STK40: variants seen among roughly 807,000 people sequenced by gnomAD.
STK40 encodes serine/threonine-protein kinase 40.
Under a neutral mutation model 47.9 loss-of-function variants are expected in STK40, and 13 were observed. The observed-to-expected ratio is 0.27, with a 90% CI of 0.18 to 0.43. The LOEUF (loss-of-function observed/expected upper bound fraction) is 0.43, where lower values mean the gene tolerates loss of function less well. STK40 is among the 20% of genes least tolerant of loss of function. The probability of loss-of-function intolerance (pLI) is 1.00; values close to 1 mark genes in which losing one functional copy is unlikely to be tolerated. For synonymous variants in STK40, 225 were observed against 243.2 expected, an observed-to-expected ratio of 0.93 and a Z score of 0.69; for missense variants, 460 against 595.1, an observed-to-expected ratio of 0.77 and a Z score of 2.36.
intron 10 of STK40, chr1:36,342,816 G>A (rs1225247615): frequency 4.1e-6 from 1 of 245,950 alleles, no homozygotes; most frequent in Middle Eastern, 1.4e-3. Context: ...AGGTGGGCCA[G>A]GGAGGGAAGG....
chr1:36,376,232 G>C (rs1477500172), intron 1 of STK40, among the ~76,000 whole-genome samples: 1 of 152,134 alleles, frequency 6.6e-6, no homozygotes, highest in Non-Finnish European at 1.5e-5. Context: ...CAGATCACGA[G>C]GGCCAGCAGC....
chr1:36,357,347 G>T (rs1646813738), intron 4 of STK40, among the ~76,000 whole-genome samples: 2 of 152,332 alleles, frequency 1.3e-5, no homozygotes, highest in Admixed American at 1.3e-4. Context: ...GCAAGAGCTG[G>T]TCCTGGCCAG....
chr1:36,345,978 TA>T (rs1318973290), intron 7 of STK40, among the ~76,000 whole-genome samples: 4 of 13,504 alleles, frequency 3.0e-4, no homozygotes, highest in Admixed American at 1.4e-3. Flanking sequence ...CATATATATA[TA>T]TATATATATA....
intron 1 of STK40, among the ~76,000 whole-genome samples, chr1:36,383,091 A>G (rs1207990750): frequency 1.3e-5 from 2 of 152,120 alleles, no homozygotes; most frequent in African/African-American, 4.8e-5. Context: ...TGGGATTACA[A>G]GCATGCACCA....
intron 7 of STK40, among the ~76,000 whole-genome samples, chr1:36,346,509 C>A (rs905955375): frequency 6.6e-6 from 1 of 152,184 alleles, no homozygotes; most frequent in Non-Finnish European, 1.5e-5. Context: ...AAAGGGCAGA[C>A]CTGGGTCGGA....
chr1:36,352,467 A>T (rs555097681), intron 6 of STK40, among the ~76,000 whole-genome samples: 55 of 152,228 alleles, frequency 3.6e-4, no homozygotes, highest in African/African-American at 1.2e-3. Flanking sequence ...TTCAATCAGT[A>T]AGTACCCAGA....
At chr1:36,352,447 A>G (rs1646767066) in intron 6 of STK40, among the ~76,000 whole-genome samples, 1 of 152,120 alleles carries the variant, frequency 6.6e-6, no homozygotes, top group African/African-American at 2.4e-5. Flanking sequence ...TTGGTACCTC[A>G]ATATATGAAT....
intron 6 of STK40, among the ~76,000 whole-genome samples, chr1:36,350,154 C>T (rs1029322903): frequency 3.9e-5 from 6 of 152,224 alleles, no homozygotes; most frequent in Non-Finnish European, 5.9e-5. Flanking sequence ...TATACAGGTC[C>T]GCCCTGTCAG....
intron 4 of STK40, among the ~76,000 whole-genome samples, chr1:36,356,528 C>T (rs1570446228): frequency 6.7e-6 from 1 of 148,984 alleles, no homozygotes; most frequent in Admixed American, 6.8e-5. Flanking sequence ...CAGGTTCATG[C>T]CATTCTCCTG....
chr1:36,369,236 G>A (rs2124745801), intron 1 of STK40, among the ~76,000 whole-genome samples: 1 of 152,288 alleles, frequency 6.6e-6, no homozygotes, highest in South Asian at 2.1e-4. Context: ...CAGCTTCACA[G>A]GGTTTTTCTG....
At chr1:36,379,222 C>T (rs1283982382) in intron 1 of STK40, among the ~76,000 whole-genome samples, 3 of 152,118 alleles carry the variant, frequency 2.0e-5, no homozygotes, top group Non-Finnish European at 4.4e-5. Context: ...GAGGGGACAG[C>T]TTTATTCTGC....
At chr1:36,380,472 C>T (rs1647030127) in intron 1 of STK40, among the ~76,000 whole-genome samples, 1 of 152,148 alleles carries the variant, frequency 6.6e-6, no homozygotes, top group South Asian at 2.1e-4. Flanking sequence ...TGGCCTCTGG[C>T]AGATATCAGT....
At chr1:36,385,262 C>T (rs1370028776) in intron 1 of STK40, among the ~76,000 whole-genome samples, 1 of 152,238 alleles carries the variant, frequency 6.6e-6, no homozygotes, top group African/African-American at 2.4e-5. Context: ...GAAAATTCCC[C>T]AGCAGCGGTA....
intron 6 of STK40, among the ~76,000 whole-genome samples, chr1:36,351,525 G>A (rs1646758411): frequency 1.3e-5 from 2 of 152,246 alleles, no homozygotes; most frequent in South Asian, 2.1e-4. Flanking sequence ...ACTCTGGAGC[G>A]CCCATGACTC....
chr1:36,368,998 G>T (rs1197893106), intron 1 of STK40, among the ~76,000 whole-genome samples: 1 of 152,172 alleles, frequency 6.6e-6, no homozygotes, highest in Admixed American at 6.5e-5. Flanking sequence ...TAGCTCCCAA[G>T]ACCTGATTCA....
chr1:36,343,951 A>G lies in STK40; in HGVS notation c.913T>C (p.Cys305Arg), dbSNP rs1646676962. The change falls in exon 9 of 11, where the codon TGT becomes CGT. Residue 305 changes from cysteine to arginine, a missense_variant. By Grantham distance (180) the Cys-to-Arg change is radical. This residue lies in a region of STK40 where 181 missense variants were observed against 218.9 expected (regional missense o/e 0.83). Coordinates refer to ENST00000373132, the MANE Select transcript of STK40 (RefSeq NM_001282547.2). The part of the protein sequence containing the change: ...EDGRVSENTV[C>R]LIRKLLVLDP... ...AGGACCAGCAGCTTCCGGATGAGAC[A>G]CACGGTGTTCTCAGAAACCCGTCCA... is the stretch of plus-strand genomic sequence containing the variant. The G allele has an allele frequency of 6.2e-7, 1 of 1,607,638 alleles. No individual in the cohort carries two copies. Among genetic ancestry groups the G allele is most frequent in the Non-Finnish European group, 8.5e-7 (1 of 1,175,488 alleles).
At chr1:36,362,174 A>C (rs576173288) in intron 1 of STK40, among the ~76,000 whole-genome samples, 2 of 152,300 alleles carry the variant, frequency 1.3e-5, no homozygotes, top group South Asian at 4.2e-4. Context: ...GCTAAAAGAC[A>C]CCTCTGGACA....
At chr1:36,363,850 A>G (rs1196649267) in intron 1 of STK40, among the ~76,000 whole-genome samples, 1 of 145,172 alleles carries the variant, frequency 6.9e-6, no homozygotes, top group East Asian at 2.1e-4. Flanking sequence ...AGTCACGCAC[A>G]TACAAGTATA....
intron 1 of STK40, among the ~76,000 whole-genome samples, chr1:36,371,746 A>G (rs1348741926): frequency 5.5e-5 from 8 of 145,958 alleles, no homozygotes; most frequent in Non-Finnish European, 1.0e-4. Flanking sequence ...CTGTAATCCC[A>G]GCACTTTAGG....
Sources: gnomAD v4.1 joint callset for allele counts (sites outside exome capture counted in the v4.1 genomes callset) on GRCh38, gnomAD v4.1.1 for gene constraint, gnomAD v4.1.1 regional missense constraint, MANE v1.5 for transcripts, NCBI Gene and HGNC (gene_info 2026-07-23, HGNC 2026-07-21) for gene names.